ARMC9: variants seen among roughly 807,000 people sequenced by gnomAD.
ARMC9 encodes the protein lisH domain-containing protein ARMC9.
Under a neutral mutation model 107.0 loss-of-function variants are expected in ARMC9, and 94 were observed. The observed-to-expected ratio is 0.88, with a 90% CI of 0.74 to 1.04. The LOEUF (loss-of-function observed/expected upper bound fraction) is 1.04, where lower values mean the gene tolerates loss of function less well. ARMC9 is among the 50% of genes least tolerant of loss of function. ARMC9 has a pLI of 0.00. For synonymous variants in ARMC9, 380 were observed against 396.9 expected (o/e 0.96, Z 0.51); for missense variants, 942 against 1,030.1 (o/e 0.91, Z 1.17).
chr2:231,285,631 G>T (rs1335508609), intron 17 of ARMC9, among the ~76,000 whole-genome samples: 1 of 147,456 alleles, frequency 6.8e-6, no homozygotes, highest in Non-Finnish European at 1.5e-5. Context: ...GTGCAACAGG[G>T]TGAGACTCCG....
intron 9 of ARMC9, among the ~76,000 whole-genome samples, chr2:231,241,701 T>C (rs751136748): frequency 6.6e-6 from 1 of 151,874 alleles, no homozygotes; most frequent in Non-Finnish European, 1.5e-5. Flanking sequence ...AACATAAATA[T>C]GAGAAACGAG....
At chr2:231,286,271 A>G (rs771842738) in intron 17 of ARMC9, among the ~76,000 whole-genome samples, 4 of 152,150 alleles carry the variant, frequency 2.6e-5, no homozygotes, top group African/African-American at 4.8e-5. Flanking sequence ...GCCCACCACC[A>G]TGCCCGGCTA....
chr2:231,237,181 T>C (rs1264828277), intron 8 of ARMC9, among the ~76,000 whole-genome samples: 1 of 150,616 alleles, frequency 6.6e-6, no homozygotes, highest in African/African-American at 2.5e-5. Flanking sequence ...TATGCGTGTG[T>C]GTGTGTGTGT....
At chr2:231,338,320 G>A (rs976820038) in intron 20 of ARMC9, among the ~76,000 whole-genome samples, 1 of 151,130 alleles carries the variant, frequency 6.6e-6, no homozygotes, top group African/African-American at 2.4e-5. Flanking sequence ...CCAGGTTCAT[G>A]CAATTCTCGT....
chr2:231,263,854 T>A (rs1056412479), intron 12 of ARMC9, among the ~76,000 whole-genome samples: 2 of 152,256 alleles, frequency 1.3e-5, no homozygotes, highest in African/African-American at 4.8e-5. Context: ...AGCTGAATAA[T>A]GTATTGTTAT....
chr2:231,371,230 G>A (rs369654706), intron 24 of ARMC9, among the ~76,000 whole-genome samples: 3 of 152,360 alleles, frequency 2.0e-5, no homozygotes, highest in African/African-American at 2.4e-5. Flanking sequence ...GCGTGGCCAC[G>A]GTGTGGACAG....
At chr2:231,278,902 T>C (rs1358725416) in intron 16 of ARMC9, among the ~76,000 whole-genome samples, 3 of 152,276 alleles carry the variant, frequency 2.0e-5, no homozygotes, top group African/African-American at 2.4e-5. Context: ...CTTGTGTTTT[T>C]AGGACCTTTC....
intron 3 of ARMC9, among the ~76,000 whole-genome samples, chr2:231,210,215 C>T (rs1353900110): frequency 6.6e-6 from 1 of 152,216 alleles, no homozygotes; most frequent in East Asian, 1.9e-4. Flanking sequence ...CCGCTTCAGG[C>T]CTCTGGCCCC....
chr2:231,298,986 G>A (rs1220947706), intron 19 of ARMC9, among the ~76,000 whole-genome samples: 1 of 152,114 alleles, frequency 6.6e-6, no homozygotes, highest in South Asian at 2.1e-4. Flanking sequence ...GGTAAATTAT[G>A]CTCACTCTAA....
At chr2:231,345,276 T>A in intron 21 of ARMC9, 186 bp downstream of exon 21, 2 of 1,157,354 alleles carry the variant, frequency 1.7e-6, no homozygotes, top group Non-Finnish European at 1.1e-6. Context: ...AGGATTTTTT[T>A]ATTCCAGAAG....
intron 19 of ARMC9, among the ~76,000 whole-genome samples, chr2:231,313,755 CTTTTT>C (rs1436596059): frequency 6.6e-6 from 1 of 151,212 alleles, no homozygotes; most frequent in African/African-American, 2.4e-5. Context: ...TTTTCATTTT[CTTTTT>C]TTTGTTTGTT....
rs979006237 is a variant in ARMC9 at position 231,358,637 on chromosome 2, C to T, written c.2132-2117C>T. 2.0e-5 allele frequency among the ~76,000 whole-genome samples: 3 copies of T among 152,194 alleles called. No individual in the cohort carries two copies. The highest frequency in any genetic ancestry group is 7.2e-5 in the African/African-American group (3 of 41,450). On this transcript the variant is annotated intron_variant, in intron 22 of 24. Transcript: ENST00000611582. The surrounding 1 kb of genome is among the most constrained non-coding windows in gnomAD (Gnocchi z 4.5). ...CCCACCCAGAGACCCCGTGGAAACC[C>T]CCACCTTCACGCTGAGTTTCTTGAG... is the stretch of plus-strand genomic sequence containing the variant.
intron 19 of ARMC9, among the ~76,000 whole-genome samples, chr2:231,312,141 T>C (rs918420956): frequency 6.6e-6 from 1 of 152,232 alleles, no homozygotes; most frequent in Non-Finnish European, 1.5e-5. Context: ...TGGTTTCACC[T>C]GGACTTACTC....
intron 24 of ARMC9, among the ~76,000 whole-genome samples, chr2:231,370,883 G>C (rs1233177909): frequency 6.6e-6 from 1 of 152,230 alleles, no homozygotes. Flanking sequence ...TCCCGCTTAG[G>C]ATATGCGCAT....
chr2:231,218,898 C>T (rs763209581), intron 5 of ARMC9, among the ~76,000 whole-genome samples: 3 of 151,994 alleles, frequency 2.0e-5, no homozygotes, highest in Non-Finnish European at 2.9e-5. Context: ...ATTATAGGCA[C>T]ACGCCACCAT....
intron 21 of ARMC9, among the ~76,000 whole-genome samples, chr2:231,349,251 C>A (rs559632763): frequency 1.3e-5 from 2 of 152,238 alleles, no homozygotes; most frequent in South Asian, 4.1e-4. Flanking sequence ...CTATTCAGTG[C>A]AAAAGAATGA....
At chr2:231,302,437 G>GTTTTT (rs56032700) in intron 19 of ARMC9, among the ~76,000 whole-genome samples, 1,411 of 57,970 alleles carry the variant, frequency 0.024, 11 homozygotes, top group East Asian at 0.04. Context: ...TTGTGGGTTT[G>GTTTTT]TTTTTTTTTT....
At chr2:231,354,263 TAAAAAAA>T (rs759691541) in intron 21 of ARMC9, among the ~76,000 whole-genome samples, 1,540 of 100,438 alleles carry the variant, frequency 0.015, 13 homozygotes, top group South Asian at 0.026. Context: ...CATCTCCATT[TAAAAAAA>T]AAAAAAAAAA....
intron 21 of ARMC9, among the ~76,000 whole-genome samples, chr2:231,352,528 T>C (rs1196536064): frequency 2.6e-5 from 4 of 151,830 alleles, no homozygotes; most frequent in African/African-American, 9.7e-5. Flanking sequence ...TTCACCATGT[T>C]GGCCAGGCTG....
Sources: allele counts gnomAD v4.1 joint callset (sites outside exome capture counted in the v4.1 genomes callset), GRCh38; gene constraint gnomAD v4.1.1; non-coding constraint Gnocchi (gnomAD v3.1); transcripts MANE v1.5; gene names NCBI Gene and HGNC (gene_info 2026-07-23, HGNC 2026-07-21).